TENM3: variants seen among roughly 807,000 people sequenced by gnomAD.
TENM3 encodes the protein teneurin transmembrane protein 3.
A neutral mutation model predicts 255.1 loss-of-function variants in TENM3; 63 were observed. The ratio of observed to expected loss-of-function variants is 0.25; its 90% CI spans 0.20 to 0.30. TENM3 has a LOEUF of 0.30. Ranked by LOEUF, TENM3 falls within the 10% of genes least tolerant of loss-of-function variation. The pLI, the probability that TENM3 is intolerant of heterozygous loss-of-function variation, is 1.00. For synonymous variants in TENM3, 1,306 were observed against 1,322.3 expected, an observed-to-expected ratio of 0.99 and a Z score of 0.27; for missense variants, 2,929 against 3,461.1, an observed-to-expected ratio of 0.85 and a Z score of 3.86.
At chr4:181,676,084 G>C in the TENM3 span, among the ~76,000 whole-genome samples, 1 of 151,038 alleles carries the variant, frequency 6.6e-6, no homozygotes, top group African/African-American at 2.4e-5. Context: ...GGAAGGGGGG[G>C]TGCATTTTCT....
At chr4:181,482,185 A>G in the TENM3 span, among the ~76,000 whole-genome samples, 1,109 of 152,286 alleles carry the variant, frequency 7.3e-3, 14 homozygotes, top group African/African-American at 0.024. Flanking sequence ...TTTGATATAT[A>G]TAATGTAATA....
chr4:182,146,366 A>T (rs1393498839), intron 1 of TENM3, among the ~76,000 whole-genome samples: 3 of 152,128 alleles, frequency 2.0e-5, no homozygotes, highest in Non-Finnish European at 4.4e-5. Flanking sequence ...GTGAGAGGTT[A>T]GTTCAGTAAT....
the TENM3 span, among the ~76,000 whole-genome samples, chr4:181,469,209 T>C: frequency 6.6e-6 from 1 of 152,174 alleles, no homozygotes; most frequent in Admixed American, 6.6e-5. Context: ...AAGAGTACAA[T>C]ATAATCTTGG....
At chr4:181,948,791 T>C in the TENM3 span, among the ~76,000 whole-genome samples, 3 of 152,146 alleles carry the variant, frequency 2.0e-5, no homozygotes, top group African/African-American at 7.2e-5. Context: ...CCCCACTGTC[T>C]TCACCCCAGT....
chr4:181,914,564 G>T, the TENM3 span, among the ~76,000 whole-genome samples: 1 of 152,152 alleles, frequency 6.6e-6, no homozygotes, highest in Non-Finnish European at 1.5e-5. Flanking sequence ...GTCCACATAT[G>T]TTGTCTTTCA....
chr4:182,583,333 CTGTGTGTGTGTGTGTG>C (rs3073440), intron 3 of TENM3, among the ~76,000 whole-genome samples: 21 of 143,514 alleles, frequency 1.5e-4, no homozygotes, highest in East Asian at 8.2e-4. Context: ...GCTTAAACCT[CTGTGTGTGTGTGTGTG>C]TGTGTGTGTG....
chr4:182,124,120 C>T, the TENM3 span, among the ~76,000 whole-genome samples: 5 of 152,154 alleles, frequency 3.3e-5, no homozygotes, highest in Admixed American at 2.0e-4. Flanking sequence ...GGCGTGATCT[C>T]GGTGCACTGC....
At chr4:181,688,237 TC>T in the TENM3 span, among the ~76,000 whole-genome samples, 8 of 152,164 alleles carry the variant, frequency 5.3e-5, no homozygotes, top group Non-Finnish European at 8.8e-5. Context: ...GCAAAGGTAT[TC>T]ATTAACCCAA....
At chr4:181,961,754 TA>T in the TENM3 span, among the ~76,000 whole-genome samples, 1 of 152,230 alleles carries the variant, frequency 6.6e-6, no homozygotes, top group Non-Finnish European at 1.5e-5. Context: ...TAGGGGTTTC[TA>T]TAAAATCTAT....
At chr4:182,766,294 G>T (rs1763711398) in intron 22 of TENM3, among the ~76,000 whole-genome samples, 1 of 152,122 alleles carries the variant, frequency 6.6e-6, no homozygotes, top group African/African-American at 2.4e-5. Context: ...TGTCTAGGAG[G>T]TCTCCATTTC....
chr4:182,228,932 G>A (rs962523916), intron 1 of TENM3, among the ~76,000 whole-genome samples: 1 of 152,106 alleles, frequency 6.6e-6, no homozygotes, highest in African/African-American at 2.4e-5. Flanking sequence ...CTGAAGTTTT[G>A]TGCAGTCCTA....
At chr4:182,339,143 G>C (rs746957604) in intron 2 of TENM3, among the ~76,000 whole-genome samples, 4 of 152,130 alleles carry the variant, frequency 2.6e-5, no homozygotes, top group Non-Finnish European at 5.9e-5. Context: ...TGTGAGAATT[G>C]AGTTTTATGA....
intron 2 of TENM3, among the ~76,000 whole-genome samples, chr4:182,344,438 A>G (rs553989811): frequency 4.6e-5 from 7 of 152,216 alleles, no homozygotes; most frequent in Admixed American, 4.6e-4. Context: ...GGATACGTAT[A>G]TCAATTCATA....
At chr4:182,356,907 C>G (rs1765587350) in intron 3 of TENM3, among the ~76,000 whole-genome samples, 1 of 142,732 alleles carries the variant, frequency 7.0e-6, no homozygotes, top group Admixed American at 7.3e-5. Flanking sequence ...GTGATGTTCC[C>G]CTTCCTGTGT....
At chr4:181,488,627 A>T in the TENM3 span, among the ~76,000 whole-genome samples, 1 of 152,004 alleles carries the variant, frequency 6.6e-6, no homozygotes, top group Admixed American at 6.6e-5. Context: ...AAAACTGCAT[A>T]TTTTGACCAT....
At chr4:182,690,253 A>G (rs1756912322) in intron 12 of TENM3, among the ~76,000 whole-genome samples, 2 of 152,212 alleles carry the variant, frequency 1.3e-5, no homozygotes. Context: ...TAGCGCTTGC[A>G]CAGGGCTCGT....
At chr4:182,391,266 A>G (rs899811092) in intron 3 of TENM3, among the ~76,000 whole-genome samples, 1 of 152,142 alleles carries the variant, frequency 6.6e-6, no homozygotes, top group African/African-American at 2.4e-5. Flanking sequence ...GTCTCCCTTT[A>G]CAGATTAGGA....
chr4:182,450,470 A>G (rs1057001981), intron 3 of TENM3, among the ~76,000 whole-genome samples: 5 of 152,164 alleles, frequency 3.3e-5, no homozygotes, highest in African/African-American at 1.2e-4. Context: ...CTCTAGGCAG[A>G]GGCCATCTGC....
chr4:182,578,812 A>C (rs1315290079), intron 3 of TENM3, among the ~76,000 whole-genome samples: 2 of 152,134 alleles, frequency 1.3e-5, no homozygotes, highest in East Asian at 3.8e-4. Context: ...ATCTATCCAG[A>C]ACTCTCTCTT....
Sources: gnomAD v4.1 joint callset for allele counts (sites outside exome capture counted in the v4.1 genomes callset) on GRCh38, gnomAD v4.1.1 for gene constraint, MANE v1.5 for transcripts, NCBI Gene and HGNC (gene_info 2026-07-23, HGNC 2026-07-21) for gene names.